SEM1: variants seen among roughly 807,000 people sequenced by gnomAD.
The protein encoded by SEM1 is SEM1 26S proteasome subunit.
SEM1 carries 3 observed loss-of-function variants against 12.7 expected under a neutral mutation model. The ratio of observed to expected loss-of-function variants is 0.24; its 90% confidence interval spans 0.11 to 0.61. SEM1 has a LOEUF of 0.61. Among genes scored for constraint, SEM1 ranks in the 20% least tolerant of loss-of-function variants. SEM1 has a pLI of 0.88. For synonymous variants in SEM1, 30 were observed against 27.8 expected (o/e 1.08, Z -0.25); for missense variants, 59 against 81.3 (o/e 0.73, Z 1.06).
intron 2 of SEM1, among the ~76,000 whole-genome samples, chr7:96,584,918 C>G (rs181138288): frequency 6.6e-6 from 1 of 150,638 alleles, no homozygotes; most frequent in African/African-American, 2.5e-5. Flanking sequence ...TTTGAATGTC[C>G]TCCTGTAGCT....
chr7:96,496,192 C>T lies in SEM1; in HGVS notation c.12+92G>A, dbSNP rs561168893. 3.3e-4 allele frequency: 250 copies of T among 766,074 alleles called. 3 individuals are homozygous for T. In the South Asian group the frequency reaches 4.4e-3, roughly 14 times the overall value. 47.5% of individuals were successfully genotyped at this position (766,074 alleles called of 1,614,324 possible). A position where few individuals can be genotyped will look rare whatever the true frequency, so the allele number is the denominator to read the frequency against. On this transcript the variant is annotated intron_variant, in intron 1 of 3. Transcript: ENST00000356686. ...TTTTAACTCGTTAGATAGTTAAAAT[C>T]ATCGTCATAGTACACTCAAGGTATA...
downstream of SEM1, chr7:96,688,271 T>C (rs1026433427): frequency 2.6e-5 from 4 of 152,130 alleles, no homozygotes; most frequent in African/African-American, 9.7e-5. Context: ...TAAAGTATCT[T>C]GAGCCCACTT....
intron 2 of SEM1, among the ~76,000 whole-genome samples, chr7:96,650,695 C>T (rs76715800): frequency 0.051 from 7,746 of 152,062 alleles, 239 homozygotes; most frequent in South Asian, 0.09. Flanking sequence ...CACACACACA[C>T]ACACACTCAG....
intron 1 of SEM1, among the ~76,000 whole-genome samples, chr7:96,704,177 T>C (rs1385868292): frequency 1.3e-5 from 2 of 152,056 alleles, no homozygotes; most frequent in Non-Finnish European, 2.9e-5. Flanking sequence ...GGAAATAGTA[T>C]ATATCGTATG....
chr7:96,553,392 C>T (rs1459860396), intron 2 of SEM1, among the ~76,000 whole-genome samples: 1 of 149,724 alleles, frequency 6.7e-6, no homozygotes, highest in Non-Finnish European at 1.5e-5. Flanking sequence ...GGAAGGGATC[C>T]AGTTTCAGCT....
chr7:96,498,240 T>G (rs561184214), upstream of SEM1, among the ~76,000 whole-genome samples: 2 of 152,338 alleles, frequency 1.3e-5, no homozygotes, highest in South Asian at 2.1e-4. Flanking sequence ...TCCTATTGTT[T>G]ATAGCAATGT....
chr7:96,493,421 C>A (rs2117231119), intron 1 of SEM1, among the ~76,000 whole-genome samples: 1 of 152,216 alleles, frequency 6.6e-6, no homozygotes, highest in African/African-American at 2.4e-5. Context: ...AAGATGTCAC[C>A]TTGGACAATT....
upstream of SEM1, among the ~76,000 whole-genome samples, chr7:96,499,420 C>G: frequency 6.6e-6 from 1 of 152,172 alleles, no homozygotes; most frequent in East Asian, 1.9e-4. Flanking sequence ...AGCTACTTTT[C>G]ACTCACAGAA....
intron 2 of SEM1, among the ~76,000 whole-genome samples, chr7:96,588,960 T>C (rs1183725906): frequency 1.3e-5 from 2 of 152,194 alleles, no homozygotes; most frequent in African/African-American, 4.8e-5. Context: ...AGGAAAGAAA[T>C]CATAAGGAGA....
chr7:96,633,037 G>A (rs1389190156), intron 2 of SEM1, among the ~76,000 whole-genome samples: 1 of 151,956 alleles, frequency 6.6e-6, no homozygotes, highest in Non-Finnish European at 1.5e-5. Flanking sequence ...GTTCAATGCT[G>A]AGTGACTCTA....
chr7:96,585,994 A>G (rs983159104), intron 2 of SEM1, among the ~76,000 whole-genome samples: 3 of 152,132 alleles, frequency 2.0e-5, no homozygotes, highest in African/African-American at 4.8e-5. Context: ...AATTTTTAAA[A>G]TTATTTCAGT....
downstream of SEM1, among the ~76,000 whole-genome samples, chr7:96,672,088 T>C (rs561868288): frequency 6.6e-6 from 1 of 152,334 alleles, no homozygotes; most frequent in Non-Finnish European, 1.5e-5. Flanking sequence ...AAACAGAAGC[T>C]CAATGGCCTC....
intron 2 of SEM1, among the ~76,000 whole-genome samples, chr7:96,585,789 G>A (rs370420516): frequency 2.9e-4 from 44 of 152,144 alleles, no homozygotes; most frequent in African/African-American, 8.7e-4. Context: ...GACCCCTTGC[G>A]CTTCCCGAGT....
intron 2 of SEM1, among the ~76,000 whole-genome samples, chr7:96,602,528 G>C (rs566379152): frequency 6.6e-6 from 1 of 152,234 alleles, no homozygotes; most frequent in Admixed American, 6.5e-5. Context: ...TACTCCAAAG[G>C]CATTCAAGTT....
chr7:96,590,982 C>T (rs28404011), intron 2 of SEM1, among the ~76,000 whole-genome samples: 1,728 of 152,152 alleles, frequency 0.011, 32 homozygotes, highest in African/African-American at 0.04. Flanking sequence ...CTAAAGTAAA[C>T]GAATACCAGG....
intron 2 of SEM1, among the ~76,000 whole-genome samples, chr7:96,510,054 T>A (rs1803890045): frequency 6.6e-6 from 1 of 152,204 alleles, no homozygotes; most frequent in Non-Finnish European, 1.5e-5. Flanking sequence ...TGATACATTT[T>A]TTCTTACATA....
chr7:96,584,480 C>T (rs1472609584), intron 2 of SEM1, among the ~76,000 whole-genome samples: 2 of 152,136 alleles, frequency 1.3e-5, no homozygotes, highest in African/African-American at 2.4e-5. Context: ...ATCTTTGTGG[C>T]ATTCTCTCTA....
chr7:96,679,789 T>C (rs545576077), intron 2 of SEM1, among the ~76,000 whole-genome samples: 6 of 152,300 alleles, frequency 3.9e-5, no homozygotes, highest in African/African-American at 1.4e-4. Context: ...TCCTAATCTA[T>C]GCTGATTCTG....
upstream of SEM1, among the ~76,000 whole-genome samples, chr7:96,500,177 A>G (rs1200978366): frequency 6.6e-6 from 1 of 152,026 alleles, no homozygotes; most frequent in Non-Finnish European, 1.5e-5. Context: ...ACAACACTGG[A>G]CTAAAAAGAG....
Sources: allele counts gnomAD v4.1 joint callset (sites outside exome capture counted in the v4.1 genomes callset), GRCh38; gene constraint gnomAD v4.1.1; transcripts MANE v1.5; gene names NCBI Gene and HGNC (gene_info 2026-07-23, HGNC 2026-07-21).